Variants in RGS7 observed in about 807,000 individuals in gnomAD.
RGS7 encodes regulator of G protein signaling 7, also known as regulator of G-protein signaling 7.
Under a neutral mutation model 81.1 loss-of-function variants are expected in RGS7, and 27 were observed. The observed-to-expected ratio is 0.33, with a 90% CI of 0.25 to 0.46. RGS7 has a LOEUF of 0.46. Ranked by LOEUF, RGS7 falls within the 20% of genes least tolerant of loss-of-function variation. The probability of loss-of-function intolerance (pLI) is 1.00; values close to 1 mark genes in which losing one functional copy is unlikely to be tolerated. For synonymous variants in RGS7, 208 were observed against 207.7 expected, an observed-to-expected ratio of 1.00 and a Z score of -0.01; for missense variants, 396 against 607.4, an observed-to-expected ratio of 0.65 and a Z score of 3.66.
At chr1:241,186,425 C>A in intron 2 of RGS7, 2 of 874,090 alleles carry the variant, frequency 2.3e-6, no homozygotes, top group Non-Finnish European at 2.7e-6. Context: ...GAAACAACAT[C>A]TAAGATTGTT....
intron 1 of RGS7, among the ~76,000 whole-genome samples, chr1:241,356,234 G>C (rs895280646): frequency 1.3e-5 from 2 of 151,938 alleles, no homozygotes; most frequent in Non-Finnish European, 2.9e-5. Flanking sequence ...GTGGGGGAGT[G>C]GGGGGCGGGT....
chr1:240,894,003 T>C (rs543596933), intron 6 of RGS7, among the ~76,000 whole-genome samples: 7 of 152,186 alleles, frequency 4.6e-5, no homozygotes, highest in Non-Finnish European at 8.8e-5. Flanking sequence ...TTAGTAGATC[T>C]CTTAGTGATG....
intron 2 of RGS7, among the ~76,000 whole-genome samples, chr1:241,115,361 C>T (rs73127588): frequency 0.041 from 6,213 of 152,174 alleles, 410 homozygotes; most frequent in African/African-American, 0.14. Flanking sequence ...CCAAATTAAC[C>T]TCCCACCACA....
chr1:241,153,372 A>G (rs759190981), intron 2 of RGS7, among the ~76,000 whole-genome samples: 2 of 152,238 alleles, frequency 1.3e-5, no homozygotes, highest in Non-Finnish European at 2.9e-5. Flanking sequence ...AGCATTTAAC[A>G]TGAGAATCAT....
intron 3 of RGS7, among the ~76,000 whole-genome samples, chr1:241,029,253 C>G (rs1462915114): frequency 6.6e-6 from 1 of 152,154 alleles, no homozygotes; most frequent in African/African-American, 2.4e-5. Context: ...TAGCAAAATA[C>G]ATTACACCCA....
chr1:241,053,310 C>T (rs2061340828), intron 3 of RGS7, among the ~76,000 whole-genome samples: 1 of 152,186 alleles, frequency 6.6e-6, no homozygotes, highest in South Asian at 2.1e-4. Context: ...GGCAAGCAGG[C>T]CCTTACAGGC....
intron 2 of RGS7, among the ~76,000 whole-genome samples, chr1:241,140,570 AT>A (rs1214894748): frequency 6.6e-6 from 1 of 152,026 alleles, no homozygotes; most frequent in Non-Finnish European, 1.5e-5. Flanking sequence ...TGCTTGGCTA[AT>A]TTTTAAATTT....
intron 2 of RGS7, among the ~76,000 whole-genome samples, chr1:241,101,162 T>C (rs950958859): frequency 6.6e-5 from 10 of 152,212 alleles, no homozygotes; most frequent in African/African-American, 2.4e-4. Flanking sequence ...GTGCCTGTCT[T>C]TATGGTTATA....
chr1:241,004,904 T>G (rs1001224568), intron 3 of RGS7, among the ~76,000 whole-genome samples: 1 of 152,076 alleles, frequency 6.6e-6, no homozygotes, highest in African/African-American at 2.4e-5. Flanking sequence ...GGGATTCTAG[T>G]CTCTGGGGAG....
chr1:241,149,426 G>C (rs1433465002), intron 2 of RGS7, among the ~76,000 whole-genome samples: 1 of 152,062 alleles, frequency 6.6e-6, no homozygotes, highest in African/African-American at 2.4e-5. Context: ...CAAAGTGCTG[G>C]GATTACAGGC....
chr1:241,146,901 G>C (rs886187091), intron 2 of RGS7, among the ~76,000 whole-genome samples: 8 of 152,116 alleles, frequency 5.3e-5, no homozygotes, highest in African/African-American at 1.9e-4. Flanking sequence ...ATTCATAAAG[G>C]CTCTACCTTC....
chr1:240,887,717 T>C (rs1039130098), intron 6 of RGS7, among the ~76,000 whole-genome samples: 3 of 152,232 alleles, frequency 2.0e-5, no homozygotes, highest in Non-Finnish European at 4.4e-5. Flanking sequence ...AATATTTTTT[T>C]AAATTATCTC....
intron 2 of RGS7, among the ~76,000 whole-genome samples, chr1:241,232,192 TTCTC>T (rs111426330): frequency 0.12 from 17,739 of 149,088 alleles, 1,257 homozygotes; most frequent in Middle Eastern, 0.18. Context: ...TATATGTCTA[TTCTC>T]TCTCTCTCTC....
chr1:241,160,045 AG>A (rs1417050474), intron 2 of RGS7, among the ~76,000 whole-genome samples: 1 of 148,736 alleles, frequency 6.7e-6, no homozygotes, highest in Non-Finnish European at 1.5e-5. Flanking sequence ...TGGGAGGTGA[AG>A]CTTGCAGTGA....
intron 18 of RGS7, among the ~76,000 whole-genome samples, chr1:240,778,172 G>A (rs1360500874): frequency 6.6e-6 from 1 of 150,902 alleles, no homozygotes; most frequent in Non-Finnish European, 1.5e-5. Context: ...ACCTTCCAAA[G>A]GCCCTGGCTC....
chr1:240,964,905 T>C (rs1055122078), intron 4 of RGS7, among the ~76,000 whole-genome samples: 2 of 152,200 alleles, frequency 1.3e-5, no homozygotes, highest in African/African-American at 4.8e-5. Flanking sequence ...ATTACATACA[T>C]TTTCCTTTCG....
chr1:241,335,757 G>A (rs2082209528), intron 2 of RGS7, among the ~76,000 whole-genome samples: 1 of 152,034 alleles, frequency 6.6e-6, no homozygotes, highest in African/African-American at 2.4e-5. Context: ...TTTTCCAGGG[G>A]CTGCAGGAGA....
intron 3 of RGS7, among the ~76,000 whole-genome samples, chr1:241,010,406 G>C (rs554818483): frequency 9.2e-5 from 14 of 152,304 alleles, no homozygotes; most frequent in African/African-American, 3.1e-4. Flanking sequence ...AAAGTGTTTA[G>C]CAACATATGC....
intron 2 of RGS7, among the ~76,000 whole-genome samples, chr1:241,352,405 T>A (rs2083300672): frequency 6.6e-6 from 1 of 152,198 alleles, no homozygotes; most frequent in Non-Finnish European, 1.5e-5. Flanking sequence ...CACCCTCAAG[T>A]ACATAAAACA....
Sources: allele counts gnomAD v4.1 joint callset (sites outside exome capture counted in the v4.1 genomes callset), GRCh38; gene constraint gnomAD v4.1.1; transcripts MANE v1.5; gene names NCBI Gene and HGNC (gene_info 2026-07-23, HGNC 2026-07-21).